RBFOX1: variants seen among roughly 807,000 people sequenced by gnomAD.
The protein encoded by RBFOX1 is RNA binding fox-1 homolog 1, also known as RNA binding protein fox-1 homolog 1.
In RBFOX1, 8 loss-of-function variants were observed where a neutral mutation model predicts 57.7. That is an observed-to-expected ratio of 0.14 (90% CI 0.08 to 0.25). The LOEUF (loss-of-function observed/expected upper bound fraction) is 0.25, where lower values mean the gene tolerates loss of function less well. Among genes scored for constraint, RBFOX1 ranks in the 10% least tolerant of loss-of-function variants. The pLI is 1.00. For missense variants in RBFOX1, 611 were observed against 548.5 expected (o/e 1.11, Z -1.14); for synonymous variants, 326 against 222.4 (o/e 1.47, Z -4.15).
intron 2 of RBFOX1, among the ~76,000 whole-genome samples, chr16:5,535,199 T>A (rs1362341063): frequency 1.3e-5 from 2 of 152,210 alleles, no homozygotes; most frequent in Non-Finnish European, 2.9e-5. Context: ...AGTAGCCACA[T>A]TTCAAGTGCT....
intron 1 of RBFOX1, among the ~76,000 whole-genome samples, chr16:5,370,975 T>C (rs1439128023): frequency 6.6e-6 from 1 of 152,218 alleles, no homozygotes; most frequent in African/African-American, 2.4e-5. Context: ...TTTAGATGGA[T>C]TGTTGCTCTT....
At chr16:5,246,060 A>G (rs2151067615) in intron 1 of RBFOX1, among the ~76,000 whole-genome samples, 1 of 152,238 alleles carries the variant, frequency 6.6e-6, no homozygotes, top group African/African-American at 2.4e-5. Flanking sequence ...CCTGGCCAAC[A>G]TGGCGAAACT....
At chr16:7,282,980 C>T (rs2095576973) in intron 4 of RBFOX1, among the ~76,000 whole-genome samples, 1 of 152,136 alleles carries the variant, frequency 6.6e-6, no homozygotes, top group Non-Finnish European at 1.5e-5. Context: ...GTGTATCTCA[C>T]AGTTTCTTCA....
chr16:5,716,522 G>A (rs2051705797), intron 3 of RBFOX1, among the ~76,000 whole-genome samples: 1 of 152,228 alleles, frequency 6.6e-6, no homozygotes, highest in South Asian at 2.1e-4. Flanking sequence ...TCTCACACCA[G>A]TCAGAGTGGT....
chr16:7,139,408 C>T lies in RBFOX1; in HGVS notation c.27+87310C>T, dbSNP rs564509328. On this transcript the variant is annotated intron_variant, in intron 4 of 15. Coordinates refer to ENST00000550418, the MANE Select transcript of RBFOX1 (RefSeq NM_018723.4). Reference sequence around the variant, plus strand: ...CCCTCCACTAACTCTATTCCTTTTCCTTCTTGAGTTCAGAGACAAAGAGGG... The same window carrying T: ...CCCTCCACTAACTCTATTCCTTTTCTTTCTTGAGTTCAGAGACAAAGAGGG... Among the ~76,000 whole-genome samples, 3 of 152,226 alleles carry T rather than the reference C, an allele frequency of 2.0e-5. No individual in the cohort carries two copies. The South Asian group carries it at 6.2e-4, about 32-fold the overall frequency.
intron 3 of RBFOX1, among the ~76,000 whole-genome samples, chr16:6,808,281 A>C (rs1369463041): frequency 6.6e-6 from 1 of 151,292 alleles, no homozygotes; most frequent in Non-Finnish European, 1.5e-5. Context: ...ATTACCTCTT[A>C]TCTTTTTCTC....
chr16:5,653,230 G>A (rs894444171), intron 3 of RBFOX1, among the ~76,000 whole-genome samples: 11 of 151,464 alleles, frequency 7.3e-5, no homozygotes, highest in Admixed American at 6.6e-4. Context: ...TTTCTGTGAG[G>A]AAGGTGGGGT....
chr16:6,321,511 A>G (rs1441254064), intron 2 of RBFOX1, among the ~76,000 whole-genome samples: 2 of 152,194 alleles, frequency 1.3e-5, no homozygotes, highest in Non-Finnish European at 2.9e-5. Context: ...TAAAGGTTTA[A>G]TGGTCCCCTG....
intron 1 of RBFOX1, among the ~76,000 whole-genome samples, chr16:5,435,399 A>G (rs2067885027): frequency 2.0e-5 from 3 of 152,070 alleles, no homozygotes. Flanking sequence ...TAGAATGTGT[A>G]GGAGTGGAGC....
chr16:7,244,595 A>G lies in RBFOX1; in HGVS notation c.27+192497A>G, dbSNP rs541335104. 1.1e-3 allele frequency among the ~76,000 whole-genome samples: 165 copies of G among 152,304 alleles called. 1 individual carries two copies. The highest frequency in any genetic ancestry group is 3.5e-3 in the African/African-American group (145 of 41,564). On this transcript the variant is annotated intron_variant, in intron 4 of 15. Transcript: ENST00000550418. ...GAAAGGGAACTTTAATTAGGACACA[A>G]TGGGGTTGGCCTAGGGCTCGAGTTA... is the stretch of plus-strand genomic sequence containing the variant.
At chr16:6,907,278 G>C (rs576577618) in intron 3 of RBFOX1, among the ~76,000 whole-genome samples, 8 of 152,286 alleles carry the variant, frequency 5.3e-5, no homozygotes, top group African/African-American at 1.9e-4. Flanking sequence ...CTGACAGTGA[G>C]AGTCATCTTT....
At chr16:7,367,095 G>A (rs1203311085) in intron 4 of RBFOX1, among the ~76,000 whole-genome samples, 1 of 151,530 alleles carries the variant, frequency 6.6e-6, no homozygotes. Context: ...TATGGTGTCA[G>A]TGAATCATGA....
chr16:5,788,604 G>C (rs1271335530), intron 3 of RBFOX1, among the ~76,000 whole-genome samples: 1 of 152,184 alleles, frequency 6.6e-6, no homozygotes, highest in Admixed American at 6.5e-5. Context: ...ACTCCAGCCT[G>C]GGTGACAGAG....
intron 1 of RBFOX1, among the ~76,000 whole-genome samples, chr16:5,458,706 T>A (rs998247859): frequency 6.6e-6 from 1 of 152,222 alleles, no homozygotes; most frequent in Non-Finnish European, 1.5e-5. Flanking sequence ...ATTTTAAGTT[T>A]TGGCTATCTG....
At chr16:7,477,209 C>T (rs527959887) in intron 4 of RBFOX1, among the ~76,000 whole-genome samples, 4 of 152,170 alleles carry the variant, frequency 2.6e-5, no homozygotes, top group Admixed American at 1.3e-4. Flanking sequence ...ATATCTGTCT[C>T]TTGGGTTGTT....
At chr16:6,174,245 T>C (rs1485557291) in intron 1 of RBFOX1, among the ~76,000 whole-genome samples, 1 of 152,160 alleles carries the variant, frequency 6.6e-6, no homozygotes, top group African/African-American at 2.4e-5. Context: ...CAATACCTCA[T>C]TGTCCTCACT....
intron 3 of RBFOX1, among the ~76,000 whole-genome samples, chr16:6,820,659 CA>C (rs749156791): frequency 1.2e-4 from 16 of 136,712 alleles, no homozygotes; most frequent in East Asian, 4.1e-4. Context: ...ACCCTGTCTC[CA>C]AAAAAAAAAC....
chr16:7,322,209 G>A (rs904502317), intron 4 of RBFOX1, among the ~76,000 whole-genome samples: 11 of 152,192 alleles, frequency 7.2e-5, no homozygotes, highest in African/African-American at 1.9e-4. Flanking sequence ...GCTAGTTATC[G>A]GACAAGGGAA....
chr16:5,456,139 G>A (rs556487072), intron 1 of RBFOX1, among the ~76,000 whole-genome samples: 2 of 151,888 alleles, frequency 1.3e-5, no homozygotes, highest in African/African-American at 4.8e-5. Flanking sequence ...TTAACATGAG[G>A]TTATGCTATC....
Sources: allele counts gnomAD v4.1 joint callset (sites outside exome capture counted in the v4.1 genomes callset), GRCh38; gene constraint gnomAD v4.1.1; transcripts MANE v1.5; gene names NCBI Gene and HGNC (gene_info 2026-07-23, HGNC 2026-07-21).